UTS2B: variants seen among roughly 807,000 people sequenced by gnomAD.
The protein encoded by UTS2B is urotensin-2B.
UTS2B carries 21 observed loss-of-function variants against 19.2 expected under a neutral mutation model. That is an observed-to-expected ratio of 1.09 (90% CI 0.78 to 1.58). The LOEUF is 1.58. UTS2B is among the 40% of genes most tolerant of loss of function. The pLI is 0.00. For synonymous variants in UTS2B, 57 were observed against 50.2 expected, an observed-to-expected ratio of 1.14 and a Z score of -0.58; for missense variants, 138 against 130.3, an observed-to-expected ratio of 1.06 and a Z score of -0.29.
In UTS2B at chr3:191,325,037, G is replaced by A. The variant is rs1717708375; in HGVS notation, c.-586+3594C>T. 2.0e-5 allele frequency among the ~76,000 whole-genome samples: 3 copies of A among 149,954 alleles called. No individual in the cohort carries two copies. In the South Asian group the frequency reaches 6.4e-4, roughly 32 times the overall value. ...TGCACTCCAGCCTCAGTGACACAGT[G>A]AGACTCCATCTCAGGAAAAAAAAAT... is the stretch of plus-strand genomic sequence containing the variant. On this transcript the variant is annotated intron_variant, in intron 2 of 8. Transcript: ENST00000340524.
intron 2 of UTS2B, among the ~76,000 whole-genome samples, chr3:191,322,518 T>C (rs1717637336): frequency 6.6e-6 from 1 of 152,166 alleles, no homozygotes; most frequent in East Asian, 1.9e-4. Flanking sequence ...AAATGTATGA[T>C]TAGTATAGAT....
intron 3 of UTS2B, among the ~76,000 whole-genome samples, chr3:191,307,642 C>T (rs902908815): frequency 6.6e-6 from 1 of 152,032 alleles, no homozygotes; most frequent in African/African-American, 2.4e-5. Flanking sequence ...ACTAGTCTAC[C>T]TCATGGAGTG....
intron 2 of UTS2B, among the ~76,000 whole-genome samples, chr3:191,326,895 C>T (rs1341408454): frequency 1.3e-5 from 2 of 152,204 alleles, no homozygotes; most frequent in Non-Finnish European, 2.9e-5. Context: ...GGGTGGATTT[C>T]CAGGTCATCT....
At chr3:191,284,254 A>C (rs1013363077) in intron 4 of UTS2B, among the ~76,000 whole-genome samples, 1 of 152,258 alleles carries the variant, frequency 6.6e-6, no homozygotes, top group African/African-American at 2.4e-5. Context: ...ATGGGTAAGA[A>C]GTTTTCCTGA....
the UTS2B span, among the ~76,000 whole-genome samples, chr3:191,337,005 A>G: frequency 0.012 from 1,798 of 152,332 alleles, 42 homozygotes; most frequent in African/African-American, 0.04. Flanking sequence ...TATGAAATTC[A>G]AATTTCAGTG....
At chr3:191,301,483 A>ATTTTTTTTTTTTTT (rs750203551) in intron 4 of UTS2B, among the ~76,000 whole-genome samples, 1 of 113,834 alleles carries the variant, frequency 8.8e-6, no homozygotes, top group Non-Finnish European at 1.7e-5. Context: ...ATTTTTGGTA[A>ATTTTTTTTTTTTTT]TTTTTTTTTT....
At chr3:191,322,502 G>A (rs1717636943) in intron 2 of UTS2B, among the ~76,000 whole-genome samples, 1 of 152,190 alleles carries the variant, frequency 6.6e-6, no homozygotes, top group African/African-American at 2.4e-5. Flanking sequence ...TTGGAGTGGT[G>A]TAGGCAAATG....
chr3:191,269,311 C>T (rs886229947), intron 8 of UTS2B, among the ~76,000 whole-genome samples: 7 of 152,112 alleles, frequency 4.6e-5, no homozygotes, highest in South Asian at 4.1e-4. Context: ...CCAAATACAC[C>T]GTAGCCCCTG....
chr3:191,313,187 G>T (rs879694329), intron 3 of UTS2B, among the ~76,000 whole-genome samples: 2 of 151,872 alleles, frequency 1.3e-5, no homozygotes, highest in Non-Finnish European at 2.9e-5. Context: ...TAGAGATGAG[G>T]TTTCACCATA....
At chr3:191,344,132 G>A in the UTS2B span, among the ~76,000 whole-genome samples, 3 of 152,232 alleles carry the variant, frequency 2.0e-5, no homozygotes, top group Non-Finnish European at 2.9e-5. Flanking sequence ...GAATTATGCA[G>A]TGTGCTTGCA....
intron 4 of UTS2B, among the ~76,000 whole-genome samples, chr3:191,300,916 G>T (rs10937475): frequency 0.66 from 100,163 of 152,140 alleles, 32,969 homozygotes; most frequent in African/African-American, 0.68. Context: ...CATACAATAA[G>T]TAAACCTCTT....
At chr3:191,338,304 G>T in the UTS2B span, among the ~76,000 whole-genome samples, 1 of 152,110 alleles carries the variant, frequency 6.6e-6, no homozygotes, top group Non-Finnish European at 1.5e-5. Flanking sequence ...TATTATGAAG[G>T]TCTGTGTAAA....
chr3:191,339,021 AG>A, the UTS2B span, among the ~76,000 whole-genome samples: 1 of 152,164 alleles, frequency 6.6e-6, no homozygotes, highest in Non-Finnish European at 1.5e-5. Flanking sequence ...TTTTAGATAA[AG>A]GGGGGAAGGC....
chr3:191,324,195 T>G (rs1717683119), intron 2 of UTS2B, among the ~76,000 whole-genome samples: 1 of 152,362 alleles, frequency 6.6e-6, no homozygotes, highest in Admixed American at 6.5e-5. Context: ...TGTGATGCTC[T>G]GTGTCACCTT....
chr3:191,336,373 G>A, the UTS2B span, among the ~76,000 whole-genome samples: 1 of 152,046 alleles, frequency 6.6e-6, no homozygotes, highest in South Asian at 2.1e-4. Context: ...TTGAGCAAGT[G>A]TGTCATGATA....
chr3:191,342,959 C>T, the UTS2B span, among the ~76,000 whole-genome samples: 27 of 152,138 alleles, frequency 1.8e-4, no homozygotes, highest in Non-Finnish European at 4.4e-5. Context: ...TTAAAATATC[C>T]TGCAGTGCTC....
intron 3 of UTS2B, among the ~76,000 whole-genome samples, chr3:191,307,147 G>A (rs545474629): frequency 2.0e-5 from 3 of 152,304 alleles, no homozygotes; most frequent in African/African-American, 7.2e-5. Flanking sequence ...TGAATGCCTA[G>A]ACAGGCTCTG....
chr3:191,292,856 T>C (rs988329373), intron 4 of UTS2B, among the ~76,000 whole-genome samples: 6 of 152,190 alleles, frequency 3.9e-5, no homozygotes, highest in African/African-American at 1.4e-4. Flanking sequence ...AGTGTTTTTA[T>C]TATGAAATGC....
the UTS2B span, among the ~76,000 whole-genome samples, chr3:191,344,718 A>T: frequency 6.6e-6 from 1 of 152,136 alleles, no homozygotes; most frequent in Non-Finnish European, 1.5e-5. Context: ...AGCTGGGACT[A>T]CAGGCACATA....
Sources: gnomAD v4.1 joint callset for allele counts (sites outside exome capture counted in the v4.1 genomes callset) on GRCh38, gnomAD v4.1.1 for gene constraint, MANE v1.5 for transcripts, NCBI Gene and HGNC (gene_info 2026-07-23, HGNC 2026-07-21) for gene names.